The following CDKAL1 variants were observed in gnomAD, a reference collection of about 807,000 sequenced individuals.
CDKAL1 encodes the protein CDKAL1 threonylcarbamoyladenosine tRNA methylthiotransferase.
A neutral mutation model predicts 68.2 loss-of-function variants in CDKAL1; 32 were observed. That is an observed-to-expected ratio of 0.47 (90% CI 0.35 to 0.63). CDKAL1 has a LOEUF of 0.63. Among genes scored for constraint, CDKAL1 ranks in the 30% least tolerant of loss-of-function variants. The pLI is 0.00. For missense variants in CDKAL1, 606 were observed against 696.7 expected, an observed-to-expected ratio of 0.87 and a Z score of 1.47; for synonymous variants, 234 against 244.3, an observed-to-expected ratio of 0.96 and a Z score of 0.39.
At chr6:20,979,479 G>A (rs1052993553) in intron 10 of CDKAL1, among the ~76,000 whole-genome samples, 2 of 152,118 alleles carry the variant, frequency 1.3e-5, no homozygotes, top group Non-Finnish European at 2.9e-5. Context: ...GCATTCTAGA[G>A]TGAGGATAAC....
At chr6:21,207,659 A>G (rs1778991942) in intron 15 of CDKAL1, among the ~76,000 whole-genome samples, 1 of 152,326 alleles carries the variant, frequency 6.6e-6, no homozygotes, top group East Asian at 1.9e-4. Flanking sequence ...CAAGTTACTC[A>G]ATGTCCCTCC....
rs1200905161 is a variant in CDKAL1 at position 20,616,571 on chromosome 6, GGCTC to G, written c.287-32721_287-32718del. On this transcript the variant is annotated intron_variant, in intron 4 of 15. Transcript: ENST00000274695. ...GTGAATGGGAGTTCACTCATGATTT[GGCTC>G]TCTGTTTGTCTGTTATTGGTGTATA... is the stretch of plus-strand genomic sequence containing the variant. Among the ~76,000 whole-genome samples the G allele has an allele frequency of 7.2e-4, 104 of 145,378 alleles. 1 individual carries two copies. Among genetic ancestry groups the G allele is most frequent in the African/African-American group, 2.4e-3 (95 of 38,958 alleles).
At chr6:20,592,035 C>T (rs186706111) in intron 4 of CDKAL1, among the ~76,000 whole-genome samples, 1 of 152,166 alleles carries the variant, frequency 6.6e-6, no homozygotes. Flanking sequence ...TTTGTGTCCT[C>T]TCTTATTTCC....
intron 13 of CDKAL1, among the ~76,000 whole-genome samples, chr6:21,147,750 G>C (rs1011642374): frequency 1.3e-5 from 2 of 152,156 alleles, no homozygotes; most frequent in African/African-American, 4.8e-5. Flanking sequence ...GAAGCAACGT[G>C]AGGAAGAAGG....
intron 8 of CDKAL1, among the ~76,000 whole-genome samples, chr6:20,789,551 G>A (rs1322660393): frequency 6.6e-6 from 1 of 152,110 alleles, no homozygotes; most frequent in Non-Finnish European, 1.5e-5. Flanking sequence ...TTAGTTACTA[G>A]CATAGAGAAA....
chr6:21,230,744 T>G, intron 15 of CDKAL1, 104 bp from the exon 16 acceptor site: 1 of 851,200 alleles, frequency 1.2e-6, no homozygotes, highest in Non-Finnish European at 1.7e-6. Context: ...GTTGAAGGAG[T>G]ACATAAAAGG....
intron 8 of CDKAL1, among the ~76,000 whole-genome samples, chr6:20,834,906 T>A (rs774784498): frequency 6.6e-6 from 1 of 152,176 alleles, no homozygotes; most frequent in African/African-American, 2.4e-5. Flanking sequence ...TATCACCCCA[T>A]AGTGCCATAG....
chr6:20,571,519 T>C (rs62400061), intron 4 of CDKAL1, among the ~76,000 whole-genome samples: 35,322 of 152,038 alleles, frequency 0.23, 4,831 homozygotes, highest in Middle Eastern at 0.36. Context: ...TTGGGGACTC[T>C]GTCTGCTTTT....
chr6:21,195,477 T>TTTTA (rs70993212), intron 13 of CDKAL1, among the ~76,000 whole-genome samples: 32,180 of 117,254 alleles, frequency 0.27, 4,227 homozygotes, highest in East Asian at 0.39. Context: ...GAGATGTTTT[T>TTTTA]TTTATTTATT....
chr6:20,925,494 T>A (rs537345207), intron 9 of CDKAL1, among the ~76,000 whole-genome samples: 2 of 152,214 alleles, frequency 1.3e-5, no homozygotes. Flanking sequence ...TATACTGTTA[T>A]AAGAGTAGAG....
intron 5 of CDKAL1, among the ~76,000 whole-genome samples, chr6:20,706,808 A>G (rs191002964): frequency 6.6e-6 from 1 of 152,256 alleles, no homozygotes; most frequent in African/African-American, 2.4e-5. Context: ...TTTAACTTGC[A>G]TAAGTCCTGT....
chr6:21,022,091 A>G (rs577109127), intron 11 of CDKAL1, among the ~76,000 whole-genome samples: 207 of 152,336 alleles, frequency 1.4e-3, no homozygotes, highest in African/African-American at 5.0e-3. Flanking sequence ...GTAGCTGGGC[A>G]GAAGGCTGAC....
intron 5 of CDKAL1, among the ~76,000 whole-genome samples, chr6:20,663,151 C>G (rs1769366510): frequency 6.6e-6 from 1 of 152,076 alleles, no homozygotes; most frequent in South Asian, 2.1e-4. Flanking sequence ...AAGTCCCGCT[C>G]AAAACCCGTG....
In CDKAL1 at chr6:20,726,487, T is replaced by A. The variant is rs531301777; in HGVS notation, c.372-13032T>A. On this transcript the variant is annotated intron_variant, in intron 5 of 15. Coordinates refer to ENST00000274695, the MANE Select transcript of CDKAL1 (RefSeq NM_017774.3). ...CCATGGTCACTCATATTGAGCGCAT[T>A]ATAAACTTCTTTAAATATTTTAGAG... 2.6e-5 allele frequency among the ~76,000 whole-genome samples: 4 copies of A among 152,358 alleles called. No individual in the cohort carries two copies. The East Asian group carries it at 5.8e-4, about 22-fold the overall frequency.
intron 10 of CDKAL1, among the ~76,000 whole-genome samples, chr6:20,986,751 G>C (rs1229211318): frequency 6.6e-6 from 1 of 151,990 alleles, no homozygotes; most frequent in Admixed American, 6.6e-5. Context: ...ATTAGACTTA[G>C]AAAAGCCAGA....
chr6:20,818,548 T>G (rs965325831), intron 8 of CDKAL1, among the ~76,000 whole-genome samples: 15 of 151,990 alleles, frequency 9.9e-5, no homozygotes, highest in African/African-American at 3.4e-4. Flanking sequence ...AAAAATATAG[T>G]TCTATATTAT....
chr6:21,069,770 C>CTTTTTTTTTTTTTTTT lies in CDKAL1; in HGVS notation c.1236+4545_1236+4546insTTTTTTTTTTTTTTTT, dbSNP rs1771654458. On this transcript the variant is annotated intron_variant, in intron 12 of 15. Coordinates refer to ENST00000274695, the MANE Select transcript of CDKAL1 (RefSeq NM_017774.3). ...TGCCCAATAAAATCCCCCAGATTTT[C>CTTTTTTTTTTTTTTTT]TTTCTTTTTTTTTTTTTTTTTTTTT... is the stretch of plus-strand genomic sequence containing the variant. Among the ~76,000 whole-genome samples, 2 of 42,254 alleles carry CTTTTTTTTTTTTTTTT rather than the reference C, an allele frequency of 4.7e-5. 1 individual carries two copies. Among genetic ancestry groups the CTTTTTTTTTTTTTTTT allele is most frequent in the African/African-American group, 1.1e-4 (2 of 17,420 alleles). 27.7% of individuals were successfully genotyped at this position (42,254 alleles called of 152,430 possible).
chr6:20,569,627 TG>T (rs1339532680), intron 4 of CDKAL1, among the ~76,000 whole-genome samples: 1 of 152,138 alleles, frequency 6.6e-6, no homozygotes, highest in East Asian at 1.9e-4. Flanking sequence ...ATTCTAAAGG[TG>T]TTGTGAAGTA....
intron 9 of CDKAL1, among the ~76,000 whole-genome samples, chr6:20,938,565 A>G (rs907426741): frequency 1.3e-5 from 2 of 152,106 alleles, no homozygotes; most frequent in African/African-American, 4.8e-5. Context: ...TCCTATTAAA[A>G]TGAAATAATA....
Sources: allele counts gnomAD v4.1 joint callset (sites outside exome capture counted in the v4.1 genomes callset), GRCh38; gene constraint gnomAD v4.1.1; transcripts MANE v1.5; gene names NCBI Gene and HGNC (gene_info 2026-07-23, HGNC 2026-07-21).